Variants in WDPCP observed in about 807,000 individuals in gnomAD.
WDPCP encodes the protein WD repeat-containing and planar cell polarity effector protein fritz homolog.
A neutral mutation model predicts 93.1 loss-of-function variants in WDPCP; 71 were observed. The ratio of observed to expected loss-of-function variants is 0.76; its 90% CI spans 0.63 to 0.93. The LOEUF (loss-of-function observed/expected upper bound fraction) is 0.93. WDPCP is among the 40% of genes least tolerant of loss of function. WDPCP has a pLI of 0.00. For missense variants in WDPCP, 844 were observed against 887.4 expected, an observed-to-expected ratio of 0.95 and a Z score of 0.62; for synonymous variants, 315 against 315.0, an observed-to-expected ratio of 1.00 and a Z score of 0.00.
intron 15 of WDPCP, among the ~76,000 whole-genome samples, chr2:63,174,425 A>T (rs13423930): frequency 2.0e-5 from 3 of 152,184 alleles, no homozygotes; most frequent in Non-Finnish European, 4.4e-5. Flanking sequence ...AAACAATTCA[A>T]TATGTTATAG....
chr2:63,414,784 T>A (rs987346520), intron 9 of WDPCP, among the ~76,000 whole-genome samples: 1 of 152,182 alleles, frequency 6.6e-6, no homozygotes, highest in Non-Finnish European at 1.5e-5. Context: ...TGTATACTGC[T>A]TGGGTGATGG....
At chr2:63,381,760 T>C in intron 11 of WDPCP, 146 bp downstream of exon 11, 1 of 817,492 alleles carries the variant, frequency 1.2e-6, no homozygotes, top group Non-Finnish European at 1.9e-6. Context: ...ATTTGATATC[T>C]GATCCTTTCA....
At chr2:63,605,414 A>T (rs374291795) in intron 3 of WDPCP, 1 of 1,489,284 alleles carries the variant, frequency 6.7e-7, no homozygotes, top group East Asian at 2.3e-5. Context: ...AGTGATTTGC[A>T]CAGGTCACTC....
At chr2:63,351,717 T>G (rs1445000079) in intron 12 of WDPCP, among the ~76,000 whole-genome samples, 1 of 152,178 alleles carries the variant, frequency 6.6e-6, no homozygotes, top group Non-Finnish European at 1.5e-5. Flanking sequence ...TTGTGAATAG[T>G]GCGGTGATGA....
intron 9 of WDPCP, among the ~76,000 whole-genome samples, chr2:63,433,150 T>G (rs1190554671): frequency 6.6e-6 from 1 of 152,194 alleles, no homozygotes; most frequent in Non-Finnish European, 1.5e-5. Flanking sequence ...CATGAATTGA[T>G]AGAGGATACT....
intron 3 of WDPCP, among the ~76,000 whole-genome samples, chr2:63,625,150 A>T (rs1575733017): frequency 6.6e-6 from 1 of 152,342 alleles, no homozygotes; most frequent in East Asian, 1.9e-4. Context: ...AAAAACTCTC[A>T]ATAATCTAGG....
At chr2:63,696,501 C>CAGTA (rs1668962311) in intron 2 of WDPCP, among the ~76,000 whole-genome samples, 1 of 152,072 alleles carries the variant, frequency 6.6e-6, no homozygotes, top group Non-Finnish European at 1.5e-5. Flanking sequence ...CCCTTCTCTC[C>CAGTA]AGTAGTATTG....
intron 2 of WDPCP, among the ~76,000 whole-genome samples, chr2:63,788,077 AT>A (rs1670495672): frequency 6.6e-6 from 1 of 152,114 alleles, no homozygotes; most frequent in Admixed American, 6.5e-5. Flanking sequence ...AAAATAAAAA[AT>A]GAGTCCAATA....
chr2:63,586,428 C>A (rs948312865), intron 1 of WDPCP, among the ~76,000 whole-genome samples: 17 of 152,144 alleles, frequency 1.1e-4, no homozygotes, highest in African/African-American at 4.1e-4. Flanking sequence ...AACACATTCA[C>A]AAACCACCTG....
chr2:63,423,126 T>A (rs1470997303), intron 9 of WDPCP, among the ~76,000 whole-genome samples: 3 of 152,204 alleles, frequency 2.0e-5, no homozygotes, highest in Non-Finnish European at 4.4e-5. Flanking sequence ...TTTCCTCACT[T>A]GGGTGGTGGT....
chr2:63,322,884 G>T (rs1378987281), intron 12 of WDPCP, among the ~76,000 whole-genome samples: 1 of 152,114 alleles, frequency 6.6e-6, no homozygotes, highest in East Asian at 1.9e-4. Flanking sequence ...CTTAGAATTC[G>T]GGGTCTAAAT....
At chr2:63,530,321 T>G (rs1293214138) in intron 1 of WDPCP, among the ~76,000 whole-genome samples, 1 of 152,248 alleles carries the variant, frequency 6.6e-6, no homozygotes, top group African/African-American at 2.4e-5. Context: ...CTTTCCTGCT[T>G]TCTCTTGTGG....
intron 15 of WDPCP, among the ~76,000 whole-genome samples, chr2:63,173,048 G>C (rs1280604053): frequency 6.6e-6 from 1 of 151,982 alleles, no homozygotes; most frequent in Non-Finnish European, 1.5e-5. Flanking sequence ...GATCACCTGA[G>C]GTCAGGAGTT....
At chr2:63,603,015 A>C (rs1709457506) in intron 3 of WDPCP, among the ~76,000 whole-genome samples, 2 of 136,182 alleles carry the variant, frequency 1.5e-5, no homozygotes, top group South Asian at 4.8e-4. Flanking sequence ...GCTGGAGTGC[A>C]ATGGCACGAT....
intron 2 of WDPCP, among the ~76,000 whole-genome samples, chr2:63,696,512 A>C (rs574950506): frequency 1.1e-4 from 16 of 152,244 alleles, no homozygotes; most frequent in African/African-American, 3.9e-4. Context: ...AGTAGTATTG[A>C]GGGGGAAGAC....
chr2:63,213,733 T>C (rs2104429138), intron 14 of WDPCP, among the ~76,000 whole-genome samples: 1 of 152,108 alleles, frequency 6.6e-6, no homozygotes, highest in East Asian at 1.9e-4. Context: ...CTAGCAAGAC[T>C]AATAAAGAAG....
intron 14 of WDPCP, among the ~76,000 whole-genome samples, chr2:63,202,309 G>A (rs756286649): frequency 4.9e-4 from 74 of 151,732 alleles, no homozygotes; most frequent in Non-Finnish European, 5.6e-4. Context: ...TCACATCAGG[G>A]TGTATTTTTC....
Position 63,824,839 on chromosome 2 carries a change from A to G in WDPCP, n.222+2783T>C, listed in dbSNP as rs1397181462. 2.0e-5 allele frequency among the ~76,000 whole-genome samples: 3 copies of G among 152,138 alleles called. No individual in the cohort carries two copies. In the East Asian group the frequency reaches 5.8e-4, roughly 29 times the overall value. On this transcript the variant is annotated intron_variant and non_coding_transcript_variant, in intron 1 of 4. Coordinates refer to the WDPCP transcript ENST00000467687. ...AAAAAGAGAGTAAAGGGAAAAATAAATGAATAATCTTTGGTTAGGTAAAAC... is the reference window on the plus strand; with the variant it reads ...AAAAAGAGAGTAAAGGGAAAAATAAGTGAATAATCTTTGGTTAGGTAAAAC...
intron 13 of WDPCP, among the ~76,000 whole-genome samples, chr2:63,272,163 T>G (rs1047132901): frequency 4.6e-5 from 7 of 152,066 alleles, no homozygotes; most frequent in African/African-American, 9.7e-5. Flanking sequence ...GACATTCCCA[T>G]CCTCAGCAAA....
Sources: allele counts gnomAD v4.1 joint callset (sites outside exome capture counted in the v4.1 genomes callset), GRCh38; gene constraint gnomAD v4.1.1; transcripts MANE v1.5; gene names NCBI Gene and HGNC (gene_info 2026-07-23, HGNC 2026-07-21).